PKNOX1: variants seen among roughly 807,000 people sequenced by gnomAD.
PKNOX1 encodes the protein PBX/knotted 1 homeobox 1.
In PKNOX1, 15 loss-of-function variants were observed where a neutral mutation model predicts 51.9. The ratio of observed to expected loss-of-function variants is 0.29; its 90% CI spans 0.19 to 0.45. The LOEUF (loss-of-function observed/expected upper bound fraction) is 0.45, where lower values mean the gene tolerates loss of function less well. PKNOX1 is among the 20% of genes least tolerant of loss of function. The pLI, the probability that PKNOX1 is intolerant of heterozygous loss-of-function variation, is 1.00. For missense variants in PKNOX1, 462 were observed against 547.5 expected, an observed-to-expected ratio of 0.84 and a Z score of 1.56; for synonymous variants, 219 against 211.1, an observed-to-expected ratio of 1.04 and a Z score of -0.32.
chr21:42,985,136 C>A (rs923461078), intron 1 of PKNOX1, among the ~76,000 whole-genome samples: 1 of 149,736 alleles, frequency 6.7e-6, no homozygotes, highest in Non-Finnish European at 1.5e-5. Context: ...TACAGGCATG[C>A]GCCACCATGC....
intron 6 of PKNOX1, 147 bp from the exon 7 acceptor site, chr21:43,017,986 G>C (rs1156711574): frequency 1.8e-6 from 1 of 557,758 alleles, no homozygotes; most frequent in Non-Finnish European, 3.1e-6. Context: ...AAGGCAGGAG[G>C]ATCAGTTGAA....
chr21:42,986,400 C>T (rs555332680), intron 1 of PKNOX1, among the ~76,000 whole-genome samples: 13 of 152,222 alleles, frequency 8.5e-5, no homozygotes, highest in African/African-American at 2.6e-4. Context: ...ACTGGGGAGG[C>T]TGAGGTAGGA....
At chr21:43,002,161 G>A (rs60458366) in intron 1 of PKNOX1, among the ~76,000 whole-genome samples, 8 of 152,102 alleles carry the variant, frequency 5.3e-5, no homozygotes, top group East Asian at 3.9e-4. Flanking sequence ...CCAGTTAGAC[G>A]TGTCTTTTTG....
chr21:43,032,033 G>A lies in PKNOX1; in HGVS notation c.*1932G>A, dbSNP rs942712520. 3 of 378,446 alleles carry A rather than the reference G, an allele frequency of 7.9e-6. No individual in the cohort carries two copies. The highest frequency in any genetic ancestry group is 3.7e-4 in the Middle Eastern group (1 of 2,684). The allele number at this position is 378,446 out of a possible 1,614,324, so 23.4% of individuals were successfully genotyped here. On this transcript the variant is annotated 3_prime_UTR_variant, in exon 11 of 11. Transcript: ENST00000291547. ...TGCGCCACCACACCCGGCTAATTTTGTATTTTTAGTAGAGATGGGTTTCTC... is the reference window on the plus strand; with the variant it reads ...TGCGCCACCACACCCGGCTAATTTTATATTTTTAGTAGAGATGGGTTTCTC...
chr21:43,009,042 C>T (rs1457965952), intron 3 of PKNOX1, among the ~76,000 whole-genome samples: 6 of 152,182 alleles, frequency 3.9e-5, no homozygotes, highest in Admixed American at 1.3e-4. Context: ...GTGGCGGGCG[C>T]GGTGGCTCAT....
At chr21:42,985,955 C>A (rs998956314) in intron 1 of PKNOX1, among the ~76,000 whole-genome samples, 1 of 144,648 alleles carries the variant, frequency 6.9e-6, no homozygotes, top group Non-Finnish European at 1.5e-5. Flanking sequence ...GAGCTGAAAT[C>A]GTGCCATTGC....
Position 43,007,373 on chromosome 21 carries a change from T to A in PKNOX1, c.52-118T>A, listed in dbSNP as rs1979033224. 8.1e-6 allele frequency: 7 copies of A among 868,798 alleles called. 1 individual carries two copies. The South Asian group carries it at 1.1e-4, about 13-fold the overall frequency. 53.8% of individuals were successfully genotyped at this position (868,798 alleles called of 1,614,324 possible). On this transcript the variant is annotated intron_variant, in intron 2 of 10. Transcript: ENST00000291547. ...TTTTGTTGGTAGCATTCTTTACATATGATTGCAGTCATACTGCTGTCTGGC... is the reference window on the plus strand; with the variant it reads ...TTTTGTTGGTAGCATTCTTTACATAAGATTGCAGTCATACTGCTGTCTGGC...
At position 43,007,480 on chromosome 21, in the gene PKNOX1, T is replaced by A. The variant is rs1568897110; in HGVS notation, c.52-11T>A. On this transcript the variant is annotated splice_polypyrimidine_tract_variant and intron_variant, in intron 2 of 10. Transcript: ENST00000291547. ...TGTTTGCTAATAAGAATTATCTTCC[T>A]CCTTTTACAGATGCAAGTAGTAACA... 1 of 1,613,160 alleles carries A rather than the reference T, an allele frequency of 6.2e-7. No individual in the cohort carries two copies.
intron 8 of PKNOX1, among the ~76,000 whole-genome samples, chr21:43,022,048 C>G (rs376429569): frequency 1.3e-5 from 2 of 152,208 alleles, no homozygotes; most frequent in East Asian, 1.9e-4. Flanking sequence ...TTGCTGCCAG[C>G]CTGCTGATCC....
chr21:43,033,635 A>G lies in PKNOX1; in HGVS notation c.*3534A>G, dbSNP rs1363713965. The G allele has an allele frequency of 6.6e-6, 1 of 152,250 alleles. No individual in the cohort carries two copies. Among genetic ancestry groups the G allele is most frequent in the East Asian group, 1.9e-4 (1 of 5,202 alleles). 9.4% of individuals were successfully genotyped at this position (152,250 alleles called of 1,614,324 possible). ...TCACCAAAAGCTGCTTCTCCATTTT[A>G]TGTAAAACATTGAGAATGTTTTCAT... On this transcript the variant is annotated 3_prime_UTR_variant, in exon 11 of 11. Transcript: ENST00000291547.
intron 1 of PKNOX1, among the ~76,000 whole-genome samples, chr21:42,978,027 T>G (rs1223772406): frequency 1.3e-5 from 2 of 152,090 alleles, no homozygotes; most frequent in African/African-American, 4.8e-5. Context: ...CCTCCCTCCC[T>G]CTTTTTTTGA....
chr21:43,011,380 T>C (rs1421970633), intron 4 of PKNOX1, among the ~76,000 whole-genome samples: 1 of 152,176 alleles, frequency 6.6e-6, no homozygotes, highest in Non-Finnish European at 1.5e-5. Context: ...CAGCTCTGTC[T>C]TGAGGCTGAC....
Position 43,010,083 on chromosome 21 carries a change from G to T in PKNOX1, c.210G>T (p.Leu70Phe). The T allele has an allele frequency of 6.4e-7, 1 of 1,569,642 alleles. No individual in the cohort carries two copies. ...RHPLFPLLAL[L>F]FEKCEQSTQG... is the part of the protein sequence containing the mutation. Reference sequence around the variant, plus strand: ...CACTATTTCCATTATTAGCTTTGTTGTTTGAAAAATGTGAACAATCTACAC... The same window carrying T: ...CACTATTTCCATTATTAGCTTTGTTTTTTGAAAAATGTGAACAATCTACAC... Residue 70 changes from leucine (L) to phenylalanine (F), a missense_variant, in exon 4 of 11, where the codon TTG becomes TTT. Leu to Phe is a conservative substitution (Grantham distance 22, BLOSUM62 0). Transcript: ENST00000291547.
chr21:43,002,514 G>A (rs1978808249), intron 1 of PKNOX1, among the ~76,000 whole-genome samples: 1 of 151,504 alleles, frequency 6.6e-6, no homozygotes, highest in Admixed American at 6.6e-5. Flanking sequence ...CGCTGTTGAG[G>A]GTGAGTCCCA....
At chr21:42,994,306 T>TA (rs1215196775) in intron 1 of PKNOX1, among the ~76,000 whole-genome samples, 1 of 148,242 alleles carries the variant, frequency 6.7e-6, no homozygotes. Flanking sequence ...CCTCCCAAAG[T>TA]GCTGGGATTA....
chr21:42,989,037 T>C (rs1003485597), intron 1 of PKNOX1, among the ~76,000 whole-genome samples: 4 of 152,236 alleles, frequency 2.6e-5, no homozygotes, highest in African/African-American at 9.6e-5. Flanking sequence ...CACTGGTCTT[T>C]GGCTTCTCAG....
chr21:43,016,796 C>T, intron 5 of PKNOX1, 112 bp from the exon 6 acceptor site: 7 of 637,606 alleles, frequency 1.1e-5, no homozygotes, highest in Non-Finnish European at 1.1e-5. Flanking sequence ...TTCTTTCCCT[C>T]AAGCTTCTCT....
At chr21:43,004,237 C>CAA (rs900704157) in intron 1 of PKNOX1, 89 bp from the exon 2 acceptor site, 216 of 484,276 alleles carry the variant, frequency 4.5e-4, no homozygotes, top group Middle Eastern at 9.4e-4. Flanking sequence ...AACTCGGTCT[C>CAA]AAAAAAAAAA....
intron 1 of PKNOX1, among the ~76,000 whole-genome samples, chr21:42,992,345 C>G (rs538409596): frequency 1.3e-5 from 2 of 152,166 alleles, no homozygotes; most frequent in Non-Finnish European, 2.9e-5. Flanking sequence ...TGAAGTCACC[C>G]AACCTCTGGT....
Sources: gnomAD v4.1 joint callset for allele counts (sites outside exome capture counted in the v4.1 genomes callset) on GRCh38, gnomAD v4.1.1 for gene constraint, MANE v1.5 for transcripts, NCBI Gene and HGNC (gene_info 2026-07-23, HGNC 2026-07-21) for gene names.